C8orf34: variants seen among roughly 807,000 people sequenced by gnomAD.
C8orf34 encodes the protein chromosome 8 open reading frame 34.
Under a neutral mutation model 68.3 loss-of-function variants are expected in C8orf34, and 65 were observed. That is an observed-to-expected ratio of 0.95 (90% CI 0.78 to 1.17). The LOEUF (loss-of-function observed/expected upper bound fraction) is 1.17. C8orf34 is among the 50% of genes most tolerant of loss of function. The pLI, the probability that C8orf34 is intolerant of heterozygous loss-of-function variation, is 0.00. For missense variants in C8orf34, 664 were observed against 655.4 expected (o/e 1.01, Z -0.14); for synonymous variants, 244 against 241.2 (o/e 1.01, Z -0.11).
At chr8:68,597,005 CT>C (rs890282424) in intron 7 of C8orf34, among the ~76,000 whole-genome samples, 2 of 152,084 alleles carry the variant, frequency 1.3e-5, no homozygotes, top group African/African-American at 4.8e-5. Flanking sequence ...TCATTAAAGA[CT>C]TTTAAAATTT....
chr8:68,344,489 T>C (rs771700093), intron 1 of C8orf34, among the ~76,000 whole-genome samples: 1 of 152,190 alleles, frequency 6.6e-6, no homozygotes, highest in Non-Finnish European at 1.5e-5. Flanking sequence ...TTTGTCAATA[T>C]AAATACCCCA....
intron 10 of C8orf34, among the ~76,000 whole-genome samples, chr8:68,775,208 T>C (rs904792019): frequency 3.9e-5 from 6 of 152,110 alleles, no homozygotes; most frequent in Non-Finnish European, 7.3e-5. Context: ...TGAGGTTGTC[T>C]TGCCCTCAAT....
intron 7 of C8orf34, among the ~76,000 whole-genome samples, chr8:68,577,456 C>T (rs1402424388): frequency 2.6e-5 from 4 of 151,910 alleles, no homozygotes; most frequent in Non-Finnish European, 2.9e-5. Flanking sequence ...AATTGCCTTA[C>T]GTTACCAATT....
intron 6 of C8orf34, among the ~76,000 whole-genome samples, chr8:68,528,728 C>T (rs574002078): frequency 6.6e-6 from 1 of 152,320 alleles, no homozygotes; most frequent in East Asian, 1.9e-4. Context: ...ATTCACTCTC[C>T]TCAATGATGA....
rs548266054 is a variant in C8orf34, at chr8:68,460,120, G to A, written c.608-8572G>A. Among the ~76,000 whole-genome samples the A allele has an allele frequency of 9.9e-5, 15 of 152,280 alleles. No homozygotes were observed. The East Asian group carries it at 1.7e-3, about 18-fold the overall frequency. On this transcript the variant is annotated intron_variant, in intron 3 of 13. Transcript: ENST00000518698. ...TGCTTTTCCGACAAGCTTAAAAAAC[G>A]GAGTACCAGGAGATTATATCCTGCA...
intron 1 of C8orf34, among the ~76,000 whole-genome samples, chr8:68,423,449 TG>T (rs1810070560): frequency 6.6e-6 from 1 of 152,142 alleles, no homozygotes; most frequent in African/African-American, 2.4e-5. Flanking sequence ...TGGACTTCAG[TG>T]TCCATATCAC....
chr8:68,500,792 G>A (rs2380464), intron 5 of C8orf34, among the ~76,000 whole-genome samples: 48,101 of 151,824 alleles, frequency 0.32, 9,097 homozygotes, highest in Non-Finnish European at 0.43. Context: ...TCAGGGGAAG[G>A]GTATACAGAA....
intron 7 of C8orf34, among the ~76,000 whole-genome samples, chr8:68,546,471 A>G (rs182336532): frequency 7.5e-4 from 114 of 152,082 alleles, no homozygotes; most frequent in African/African-American, 2.7e-3. Context: ...CATTTAAAAC[A>G]GTTTCAAAAT....
At chr8:68,767,196 C>CAAATAAAT (rs536912037) in intron 10 of C8orf34, among the ~76,000 whole-genome samples, 1 of 151,940 alleles carries the variant, frequency 6.6e-6, no homozygotes, top group African/African-American at 2.4e-5. Context: ...ACTCTGTCTC[C>CAAATAAAT]AAATAAATAA....
intron 1 of C8orf34, among the ~76,000 whole-genome samples, chr8:68,386,050 C>A (rs927456217): frequency 2.0e-5 from 3 of 152,052 alleles, no homozygotes; most frequent in African/African-American, 7.2e-5. Context: ...AGGCATGGCC[C>A]ACTAGTCCAC....
chr8:68,534,777 G>A, intron 7 of C8orf34: 1 of 985,396 alleles, frequency 1.0e-6, no homozygotes, highest in Middle Eastern at 5.2e-4. Context: ...TCTTTCAGGA[G>A]ATGCAGTTGT....
At chr8:68,330,862 C>T (rs1350721886), upstream of C8orf34, 1 of 621,438 alleles carries the variant, frequency 1.6e-6, no homozygotes, top group Non-Finnish European at 2.5e-6. Context: ...CCCTGTCCGC[C>T]CGCGTGCGCC....
Position 68,561,980 on chromosome 8 carries a change from AT to A in C8orf34, c.1105+28839del, listed in dbSNP as rs1043402078. Among the ~76,000 whole-genome samples, 4 of 152,132 alleles carry A rather than the reference AT, an allele frequency of 2.6e-5. No individual in the cohort carries two copies. The East Asian group carries it at 7.7e-4, about 29-fold the overall frequency. On this transcript the variant is annotated intron_variant, in intron 7 of 13. Transcript: ENST00000518698. ...CCACCTTGGGGCTATTTTACAGTAA[AT>A]TTTTTTTAACTAGTAGAAGGAGTAT...
At chr8:68,375,193 T>A (rs1807740055) in intron 1 of C8orf34, among the ~76,000 whole-genome samples, 1 of 152,216 alleles carries the variant, frequency 6.6e-6, no homozygotes, top group Admixed American at 6.5e-5. Flanking sequence ...GAAAGTTGAC[T>A]TTTTGACATG....
intron 8 of C8orf34, among the ~76,000 whole-genome samples, chr8:68,656,302 T>C (rs918012412): frequency 6.6e-6 from 1 of 152,188 alleles, no homozygotes; most frequent in African/African-American, 2.4e-5. Flanking sequence ...AAAAATATAA[T>C]GTTTTATTTA....
At chr8:68,561,862 A>C (rs1485086764) in intron 7 of C8orf34, among the ~76,000 whole-genome samples, 1 of 152,144 alleles carries the variant, frequency 6.6e-6, no homozygotes, top group Non-Finnish European at 1.5e-5. Flanking sequence ...CATCAATGTC[A>C]CTTTCTTCCA....
Position 68,466,464 on chromosome 8 carries a change from C to T in C8orf34, c.608-2228C>T, listed in dbSNP as rs78576515. Among the ~76,000 whole-genome samples, 356 of 151,654 alleles carry T rather than the reference C, an allele frequency of 2.3e-3. 17 individuals are homozygous for T. In the East Asian group the frequency reaches 0.063, roughly 27 times the overall value. ...AAGCCATACAGTGACTTGATCACTA[C>T]GTGTTATATACATGTAACAAAATTT... On this transcript the variant is annotated intron_variant, in intron 3 of 13. Coordinates refer to ENST00000518698, the MANE Select transcript of C8orf34 (RefSeq NM_052958.4).
At chr8:68,553,152 G>A (rs912661250) in intron 7 of C8orf34, among the ~76,000 whole-genome samples, 12 of 152,050 alleles carry the variant, frequency 7.9e-5, no homozygotes, top group South Asian at 2.1e-4. Context: ...TTGGGAGGCC[G>A]AGACAGGCAG....
intron 10 of C8orf34, among the ~76,000 whole-genome samples, chr8:68,761,938 G>T (rs1823036180): frequency 6.6e-6 from 1 of 152,068 alleles, no homozygotes. Context: ...TAATTTCACT[G>T]GGCTAGTTTC....
Sources: gnomAD v4.1 joint callset for allele counts (sites outside exome capture counted in the v4.1 genomes callset) on GRCh38, gnomAD v4.1.1 for gene constraint, MANE v1.5 for transcripts, NCBI Gene and HGNC (gene_info 2026-07-23, HGNC 2026-07-21) for gene names.